MED14: variants seen among roughly 807,000 people sequenced by gnomAD.
MED14 encodes the protein mediator complex subunit 14.
Under a neutral mutation model 109.0 loss-of-function variants are expected in MED14, and 8 were observed. The observed-to-expected ratio is 0.07, with a 90% CI of 0.04 to 0.13. The LOEUF (loss-of-function observed/expected upper bound fraction) is 0.13, where lower values mean the gene tolerates loss of function less well. Ranked by LOEUF, MED14 falls within the 10% of genes least tolerant of loss-of-function variation. The pLI is 1.00. For missense variants in MED14, 711 were observed against 1,142.4 expected, an observed-to-expected ratio of 0.62 and a Z score of 5.44; for synonymous variants, 399 against 408.7, an observed-to-expected ratio of 0.98 and a Z score of 0.29.
At chrX:40,728,725 T>A (rs891329750) in intron 2 of MED14, among the ~76,000 whole-genome samples, 88 of 112,052 alleles carry the variant, frequency 7.9e-4, no homozygotes, top group Middle Eastern at 4.6e-3. Flanking sequence ...TGAACCAAAA[T>A]GTTAACTATG....
chrX:40,717,578 A>G (rs1051355380), intron 3 of MED14, among the ~76,000 whole-genome samples: 1 of 111,264 alleles, frequency 9.0e-6, no homozygotes, highest in Non-Finnish European at 1.9e-5. Context: ...GCTGGAGTGC[A>G]GTGGCATGAT....
At chrX:40,719,058 T>C (rs1033082892) in intron 3 of MED14, among the ~76,000 whole-genome samples, 4 of 111,658 alleles carry the variant, frequency 3.6e-5, no homozygotes, top group Non-Finnish European at 7.5e-5. Context: ...TGAAAACAGG[T>C]TCAACATCTC....
intron 23 of MED14, among the ~76,000 whole-genome samples, chrX:40,668,383 CAA>C (rs779386609): frequency 4.6e-5 from 2 of 43,330 alleles, no homozygotes; most frequent in Admixed American, 3.5e-4. Context: ...ACTCTGTCTC[CAA>C]AAAAAAAAAA....
At chrX:40,713,939 T>G in intron 4 of MED14, 32 bp from the exon 5 acceptor site, 1 of 1,184,469 alleles carries the variant, frequency 8.4e-7, no homozygotes, top group Non-Finnish European at 1.1e-6. Context: ...TTTTAAATAA[T>G]GTACAAACGG....
chrX:40,709,413 G>A lies in MED14; in HGVS notation c.1220C>T (p.Ala407Val). 8.7e-7 allele frequency: 1 copy of A among 1,145,462 alleles called. No individual in the cohort carries two copies. The highest frequency in any genetic ancestry group is 2.2e-5 in the South Asian group (1 of 46,231). 94.4% of individuals were successfully genotyped at this position (1,145,462 alleles called of 1,213,427 possible). Reference protein sequence around the residue: ...IEKLLIDSVHARAHQKLQELK... With the variant: ...IEKLLIDSVHVRAHQKLQELK... ...TTCTTGGAGCTTCTGATGAGCTCTT[G>A]CATGGACACTGTCAATCAGGAGTTT... is the stretch of plus-strand genomic sequence containing the variant. The change falls in exon 10 of 31, where the codon GCA becomes GTA. Residue 407 changes from alanine (A) to valine (V), a missense_variant. Ala to Val is a moderately conservative substitution (Grantham distance 64). Around this residue, in one of 8 missense-constraint regions of MED14, gnomAD observed 388 missense variants for 517.3 expected, o/e 0.75. Transcript: ENST00000324817.
Position 40,680,789 on chromosome X carries a change from T to G in MED14, c.2579A>C (p.Asn860Thr), listed in dbSNP as rs1930081972. The change falls in exon 20 of 31, where the codon AAC becomes ACC. Residue 860 changes from asparagine (N) to threonine (T), a missense_variant. This residue lies in a region of MED14 where 29 missense variants were observed against 102.4 expected (regional missense o/e 0.28). Coordinates refer to ENST00000324817, the MANE Select transcript of MED14 (RefSeq NM_004229.4). Reference protein sequence around the residue: ...TILHQLQEMFNKTPNVVQLLQ... With the variant: ...TILHQLQEMFTKTPNVVQLLQ... The stretch of plus-strand genomic sequence containing the variant: ...TAACTGAACCACATTTGGTGTTTTG[T>G]TGAACATTTCTTGAAGCTGATGGAG... The G allele has an allele frequency of 5.0e-6, 6 of 1,207,467 alleles. No individual in the cohort carries two copies. The highest frequency in any genetic ancestry group is 5.6e-6 in the Non-Finnish European group (5 of 892,728).
At chrX:40,688,044 G>A (rs760555133) in intron 16 of MED14, among the ~76,000 whole-genome samples, 3 of 111,286 alleles carry the variant, frequency 2.7e-5, no homozygotes, top group East Asian at 2.8e-4. Flanking sequence ...GTGAAACCCC[G>A]TCTCTATTAA....
chrX:40,726,880 C>T (rs907526005), intron 2 of MED14, 29 bp from the exon 3 acceptor site: 1 of 1,061,626 alleles, frequency 9.4e-7, no homozygotes, highest in Non-Finnish European at 1.3e-6. Flanking sequence ...CTTAATGAAC[C>T]AACATATTAG....
At position 40,650,477 on chromosome X, in the gene MED14, A is replaced by G; in HGVS notation, c.*1329T>C. The G allele has an allele frequency of 1.3e-6, 1 of 754,273 alleles. No individual in the cohort carries two copies. Among genetic ancestry groups the G allele is most frequent in the Non-Finnish European group, 1.6e-6 (1 of 639,131 alleles). The allele number at this position is 754,273 out of a possible 1,213,427, so 62.2% of individuals were successfully genotyped here. On this transcript the variant is annotated 3_prime_UTR_variant, in exon 31 of 31. Transcript: ENST00000324817. Reference sequence around the variant, plus strand: ...TTAATGGAGAACCAGTATTACAGTGACCAGGTAACTCGGCATGGTATTATC... The same window carrying G: ...TTAATGGAGAACCAGTATTACAGTGGCCAGGTAACTCGGCATGGTATTATC...
chrX:40,726,443 A>G (rs1462618403), intron 3 of MED14: 1 of 147,360 alleles, frequency 6.8e-6, no homozygotes, highest in Non-Finnish European at 1.3e-5. Context: ...AATTTAAGGG[A>G]GAACCTTGCA....
chrX:40,670,693 G>A (rs1050190264), intron 23 of MED14, among the ~76,000 whole-genome samples: 1 of 109,915 alleles, frequency 9.1e-6, no homozygotes, highest in South Asian at 3.9e-4. Flanking sequence ...CCCGGGAAGC[G>A]GAGCTTGCAG....
intron 21 of MED14, among the ~76,000 whole-genome samples, chrX:40,677,998 G>T (rs1360006127): frequency 9.0e-6 from 1 of 111,261 alleles, no homozygotes; most frequent in East Asian, 2.8e-4. Flanking sequence ...TTAGATGAGG[G>T]TAAACTAAAG....
intron 1 of MED14, 81 bp from the exon 2 acceptor site, chrX:40,729,426 T>G (rs1932007919): frequency 1.1e-6 from 1 of 947,980 alleles, no homozygotes. Flanking sequence ...TTGACTCTAT[T>G]AAATACGTTA....
chrX:40,723,377 T>C (rs187001094), intron 3 of MED14, among the ~76,000 whole-genome samples: 1 of 111,253 alleles, frequency 9.0e-6, no homozygotes, highest in East Asian at 2.8e-4. Context: ...TCAAAAACCA[T>C]ACAATGGGCC....
intron 21 of MED14, among the ~76,000 whole-genome samples, chrX:40,676,080 C>T (rs981000822): frequency 8.9e-6 from 1 of 111,797 alleles, no homozygotes; most frequent in Non-Finnish European, 1.9e-5. Context: ...GGATCCCTTG[C>T]GAGACCAACC....
chrX:40,730,117 TAC>T (rs1456352331), intron 1 of MED14, among the ~76,000 whole-genome samples: 1 of 112,027 alleles, frequency 8.9e-6, no homozygotes, highest in African/African-American at 3.3e-5. Context: ...GTTCTTGAAG[TAC>T]ACACACCCAG....
At position 40,651,030 on chromosome X, in the gene MED14, C is replaced by T; in HGVS notation, c.*776G>A. The stretch of plus-strand genomic sequence containing the variant: ...ACTGTCCCTTCTCAAAGACTAAGTT[C>T]CTTATTTTTCACCCAAATCCTATAT... On this transcript the variant is annotated 3_prime_UTR_variant, in exon 31 of 31. Coordinates refer to ENST00000324817, the MANE Select transcript of MED14 (RefSeq NM_004229.4). 1 of 753,558 alleles carries T rather than the reference C, an allele frequency of 1.3e-6. No individual in the cohort carries two copies. Among genetic ancestry groups the T allele is most frequent in the Non-Finnish European group, 1.6e-6 (1 of 638,782 alleles). 62.1% of individuals were successfully genotyped at this position (753,558 alleles called of 1,213,427 possible).
At chrX:40,723,078 A>T (rs185629489) in intron 3 of MED14, among the ~76,000 whole-genome samples, 3 of 112,260 alleles carry the variant, frequency 2.7e-5, no homozygotes, top group African/African-American at 9.7e-5. Context: ...ACAGAATATT[A>T]TAACACTGTA....
intron 10 of MED14, among the ~76,000 whole-genome samples, chrX:40,705,477 C>A (rs1010992632): frequency 1.8e-5 from 2 of 111,728 alleles, no homozygotes; most frequent in African/African-American, 6.5e-5. Flanking sequence ...TTTTTGACTA[C>A]CAATGTCCAT....
Sources: gnomAD v4.1 joint callset for allele counts (sites outside exome capture counted in the v4.1 genomes callset) on GRCh38, gnomAD v4.1.1 for gene constraint, gnomAD v4.1.1 regional missense constraint, MANE v1.5 for transcripts, NCBI Gene and HGNC (gene_info 2026-07-23, HGNC 2026-07-21) for gene names.